Variants in ERC1 observed in about 807,000 individuals in gnomAD.
ERC1 encodes the protein ELKS/RAB6-interacting/CAST family member 1.
ERC1 carries 56 observed loss-of-function variants against 132.0 expected under a neutral mutation model. The observed-to-expected ratio is 0.42, with a 90% CI of 0.34 to 0.53. The LOEUF (loss-of-function observed/expected upper bound fraction) is 0.53. Among genes scored for constraint, ERC1 ranks in the 20% least tolerant of loss-of-function variants. The pLI is 0.03. For synonymous variants in ERC1, 478 were observed against 476.1 expected (o/e 1.00, Z -0.05); for missense variants, 1,202 against 1,349.9 (o/e 0.89, Z 1.72).
chr12:1,326,708 T>G (rs1471454499), intron 15 of ERC1, among the ~76,000 whole-genome samples: 2 of 152,222 alleles, frequency 1.3e-5, no homozygotes, highest in Non-Finnish European at 2.9e-5. Flanking sequence ...TTTTTTAGTT[T>G]CCCTGTTTAT....
chr12:1,010,510 AT>A (rs71055123), intron 1 of ERC1, among the ~76,000 whole-genome samples: 64,885 of 118,240 alleles, frequency 0.55, 17,673 homozygotes, highest in African/African-American at 0.67. Flanking sequence ...AGGAAATATG[AT>A]TTTTTTTTTT....
chr12:1,223,669 T>G (rs541604690), intron 12 of ERC1, among the ~76,000 whole-genome samples: 1 of 152,352 alleles, frequency 6.6e-6, no homozygotes, highest in African/African-American at 2.4e-5. Context: ...CTTACATCTG[T>G]GTGCTGGTGG....
chr12:1,137,083 CTTTCTTTT>C (rs1949318366), intron 7 of ERC1, among the ~76,000 whole-genome samples: 2 of 144,116 alleles, frequency 1.4e-5, no homozygotes, highest in South Asian at 2.2e-4. Flanking sequence ...TTTTCTTTTT[CTTTCTTTT>C]TTTCTTTTCT....
intron 15 of ERC1, among the ~76,000 whole-genome samples, chr12:1,357,451 A>C (rs1239387942): frequency 6.6e-6 from 1 of 152,236 alleles, no homozygotes; most frequent in Non-Finnish European, 1.5e-5. Flanking sequence ...GAAAGCATTC[A>C]ATAATTCTTA....
chr12:996,085 T>C (rs1960786065), intron 1 of ERC1, among the ~76,000 whole-genome samples: 1 of 143,938 alleles, frequency 6.9e-6, no homozygotes, highest in Admixed American at 6.8e-5. Flanking sequence ...TTTACTTCTC[T>C]GTTTTTTTTG....
At chr12:1,034,999 G>A (rs16932142) in intron 2 of ERC1, among the ~76,000 whole-genome samples, 4,303 of 152,142 alleles carry the variant, frequency 0.028, 85 homozygotes, top group South Asian at 0.092. Flanking sequence ...TGCATTCTCC[G>A]TATACCCACT....
At chr12:1,228,584 G>A (rs1227839174) in intron 12 of ERC1, among the ~76,000 whole-genome samples, 1 of 152,152 alleles carries the variant, frequency 6.6e-6, no homozygotes, top group Non-Finnish European at 1.5e-5. Flanking sequence ...AAGAGGTGGT[G>A]AGAGTGGACT....
chr12:1,079,290 G>A (rs1026479855), intron 2 of ERC1, among the ~76,000 whole-genome samples: 2 of 149,602 alleles, frequency 1.3e-5, no homozygotes, highest in African/African-American at 2.4e-5. Flanking sequence ...ACGACAAGTC[G>A]ATATACAGAG....
At chr12:1,049,127 GTTTT>G (rs1003020865) in intron 2 of ERC1, among the ~76,000 whole-genome samples, 2 of 152,108 alleles carry the variant, frequency 1.3e-5, no homozygotes, top group African/African-American at 4.8e-5. Context: ...TAAGCAAATT[GTTTT>G]TTTATGTTTT....
At chr12:1,103,312 G>T (rs1006310879) in intron 3 of ERC1, among the ~76,000 whole-genome samples, 1 of 152,200 alleles carries the variant, frequency 6.6e-6, no homozygotes, top group African/African-American at 2.4e-5. Flanking sequence ...CCAGGGAAGA[G>T]CGATGAGATG....
chr12:1,333,235 G>C (rs1036164225), intron 15 of ERC1, among the ~76,000 whole-genome samples: 1 of 152,000 alleles, frequency 6.6e-6, no homozygotes, highest in Non-Finnish European at 1.5e-5. Context: ...GTTTGTTAAG[G>C]GTAGTGGTCT....
chr12:1,338,819 A>G (rs116367933), intron 15 of ERC1, among the ~76,000 whole-genome samples: 1,614 of 152,138 alleles, frequency 0.011, 31 homozygotes, highest in African/African-American at 0.037. Flanking sequence ...GGGGGCCAAC[A>G]CTCAGCTCTG....
intron 18 of ERC1, among the ~76,000 whole-genome samples, chr12:1,479,955 C>T (rs1441101077): frequency 2.6e-5 from 4 of 152,138 alleles, no homozygotes; most frequent in Non-Finnish European, 1.5e-5. Context: ...ACCTCTAAGC[C>T]CCTGGAATAC....
chr12:1,243,348 C>G (rs2075955133), intron 13 of ERC1, among the ~76,000 whole-genome samples: 1 of 152,040 alleles, frequency 6.6e-6, no homozygotes, highest in Non-Finnish European at 1.5e-5. Context: ...AGAACCAATC[C>G]CCAGAAGATA....
At chr12:1,387,241 T>A (rs1293430020) in intron 16 of ERC1, among the ~76,000 whole-genome samples, 1 of 152,162 alleles carries the variant, frequency 6.6e-6, no homozygotes, top group African/African-American at 2.4e-5. Context: ...AGTGATGCTG[T>A]TTAGATGGAA....
chr12:1,102,789 G>C (rs1944820165), intron 3 of ERC1, among the ~76,000 whole-genome samples: 1 of 152,190 alleles, frequency 6.6e-6, no homozygotes, highest in Non-Finnish European at 1.5e-5. Flanking sequence ...GGAAAAAGTA[G>C]AGCGAAGTAA....
intron 6 of ERC1, among the ~76,000 whole-genome samples, chr12:1,112,686 G>C (rs575630100): frequency 6.6e-6 from 1 of 152,102 alleles, no homozygotes; most frequent in Non-Finnish European, 1.5e-5. Context: ...GAGTTTATTT[G>C]AATTTGAAAC....
At chr12:1,445,616 A>G (rs974634153) in intron 18 of ERC1, among the ~76,000 whole-genome samples, 3 of 152,178 alleles carry the variant, frequency 2.0e-5, no homozygotes, top group Non-Finnish European at 4.4e-5. Flanking sequence ...GCCCCTGGTA[A>G]CCACCATTTT....
At chr12:1,333,560 T>C (rs142967711) in intron 15 of ERC1, among the ~76,000 whole-genome samples, 53 of 152,168 alleles carry the variant, frequency 3.5e-4, no homozygotes, top group African/African-American at 1.2e-3. Flanking sequence ...CTCGATCTCC[T>C]GACCTCATGA....
Sources: allele counts gnomAD v4.1 joint callset (sites outside exome capture counted in the v4.1 genomes callset), GRCh38; gene constraint gnomAD v4.1.1; transcripts MANE v1.5; gene names NCBI Gene and HGNC (gene_info 2026-07-23, HGNC 2026-07-21).